The following BCL9 variants were observed in gnomAD, a reference collection of about 807,000 sequenced individuals.
BCL9 encodes BCL9 transcription coactivator.
Under a neutral mutation model 88.5 loss-of-function variants are expected in BCL9, and 25 were observed. The ratio of observed to expected loss-of-function variants is 0.28; its 90% CI spans 0.21 to 0.39. The LOEUF is 0.39. BCL9 is among the 10% of genes least tolerant of loss of function. The pLI, the probability that BCL9 is intolerant of heterozygous loss-of-function variation, is 1.00. For missense variants in BCL9, 1,817 were observed against 1,877.8 expected (o/e 0.97, Z 0.60); for synonymous variants, 711 against 673.3 (o/e 1.06, Z -0.87).
At position 147,624,943 on chromosome 1, in the gene BCL9, G is replaced by T. The variant is rs1553206342; in HGVS notation, c.4265G>T (p.Gly1422Val). ...TTTAGCCAAGGACCTGGCAACCCAG[G>T]AAACATGATGTTTTAAGCTGCTAAG... ...GGFSQGPGNP[G>V]NMMF The change falls in exon 10 of 10, where the codon GGA (glycine) becomes GTA (valine). Residue 1422 changes from glycine to valine, a missense_variant. Gly to Val is a moderately radical substitution (Grantham distance 109, BLOSUM62 -3). Around this residue, in one of 2 missense-constraint regions of BCL9, gnomAD observed 589 missense variants for 686.2 expected, o/e 0.86. Transcript: ENST00000234739. The surrounding 1 kb of genome is among the most constrained non-coding windows in gnomAD (Gnocchi z 4.4). 3 of 1,608,656 alleles carry T rather than the reference G, an allele frequency of 1.9e-6. No individual in the cohort carries two copies. Among genetic ancestry groups the T allele is most frequent in the Non-Finnish European group, 2.6e-6 (3 of 1,175,560 alleles).
rs1411274435 is a variant in BCL9 at position 147,619,261 on chromosome 1, T to C, written c.1106T>C (p.Ile369Thr). The change falls in exon 8 of 10, where the codon ATC (isoleucine) becomes ACC (threonine). Residue 369 changes from isoleucine (I) to threonine (T), a missense_variant. Physicochemically the swap from Ile to Thr is moderately conservative, Grantham distance 89. Transcript: ENST00000234739. This position sits in a 1 kb window ranked among gnomAD's most constrained non-coding sequence, Gnocchi z 4.1. ...CGCTCCTTACAAACTCTCAGAGATA[T>C]CCAGCGCATGCTTTTTCCTGATGAG... ...RERSLQTLRD[I>T]QRMLFPDEKE... The C allele has an allele frequency of 1.2e-6, 2 of 1,614,070 alleles. No individual in the cohort carries two copies. The highest frequency in any genetic ancestry group is 8.5e-7 in the Non-Finnish European group (1 of 1,180,028).
At chr1:147,585,618 G>C (rs1005632642) in intron 1 of BCL9, among the ~76,000 whole-genome samples, 2 of 152,106 alleles carry the variant, frequency 1.3e-5, no homozygotes, top group African/African-American at 4.8e-5. Flanking sequence ...GTTGTTAGAG[G>C]CTATATAAGA....
At chr1:147,618,470 C>T (rs1476272773) in intron 7 of BCL9, among the ~76,000 whole-genome samples, 5 of 152,190 alleles carry the variant, frequency 3.3e-5, no homozygotes, top group Non-Finnish European at 7.3e-5. Context: ...ACTAATCTCT[C>T]TCTGAATCAG....
At chr1:147,580,975 C>T (rs1000113498) in intron 1 of BCL9, among the ~76,000 whole-genome samples, 1 of 152,152 alleles carries the variant, frequency 6.6e-6, no homozygotes, top group African/African-American at 2.4e-5. Context: ...AGCCTTGCAT[C>T]CAGGTGTGTT....
At chr1:147,581,096 C>A (rs1317155409) in intron 1 of BCL9, among the ~76,000 whole-genome samples, 1 of 152,106 alleles carries the variant, frequency 6.6e-6, no homozygotes, top group Non-Finnish European at 1.5e-5. Flanking sequence ...GGTTCTGCCT[C>A]TAATTACCAA....
At chr1:147,618,415 G>A (rs781788526) in intron 7 of BCL9, among the ~76,000 whole-genome samples, 1 of 152,118 alleles carries the variant, frequency 6.6e-6, no homozygotes, top group Non-Finnish European at 1.5e-5. Flanking sequence ...TATACTTTCA[G>A]GGAAAAGAAA....
chr1:147,624,279 C>A lies in BCL9; in HGVS notation c.3601C>A (p.Pro1201Thr). The change falls in exon 10 of 10, where the codon CCT (proline) becomes ACT (threonine). Residue 1201 changes from proline (P) to threonine (T), a missense_variant. Around this residue, in one of 2 missense-constraint regions of BCL9, gnomAD observed 589 missense variants for 686.2 expected, o/e 0.86. Coordinates refer to ENST00000234739, the MANE Select transcript of BCL9 (RefSeq NM_004326.4). The surrounding 1 kb of genome is among the most constrained non-coding windows in gnomAD (Gnocchi z 4.4). ...ALCKPGGPGG[P>T]DSFTVLGNSM... ...TTGCAAGCCTGGAGGCCCCGGGGGT[C>A]CTGACTCCTTCACTGTCCTGGGGAA... 6.2e-7 allele frequency: 1 copy of A among 1,614,056 alleles called. No individual in the cohort carries two copies. The highest frequency in any genetic ancestry group is 8.5e-7 in the Non-Finnish European group (1 of 1,179,978).
rs1459517460 is a variant in BCL9, at chr1:147,567,846, T to C, written c.-478+26172T>C. Among the ~76,000 whole-genome samples the C allele has an allele frequency of 3.9e-5, 6 of 152,310 alleles. No individual in the cohort carries two copies. In the East Asian group the frequency reaches 1.2e-3, roughly 29 times the overall value. On this transcript the variant is annotated intron_variant, in intron 1 of 9. Coordinates refer to ENST00000234739, the MANE Select transcript of BCL9 (RefSeq NM_004326.4). ...CAGATCCCCTTATCTACTTCCAGGG[T>C]GGCATTGCTAGTGACCCAGCAGGTC...
chr1:147,569,564 T>G (rs1418050257), intron 1 of BCL9, among the ~76,000 whole-genome samples: 1 of 151,602 alleles, frequency 6.6e-6, no homozygotes, highest in Non-Finnish European at 1.5e-5. Context: ...GTGGGAGAAT[T>G]GCTTGAACCC....
intron 1 of BCL9, among the ~76,000 whole-genome samples, chr1:147,585,188 G>T (rs1469223764): frequency 6.6e-6 from 1 of 152,156 alleles, no homozygotes; most frequent in Non-Finnish European, 1.5e-5. Flanking sequence ...AAAGAGATTT[G>T]CTATGCATGG....
chr1:147,583,506 G>A lies in BCL9; in HGVS notation c.-477-21271G>A, dbSNP rs587607083. Among the ~76,000 whole-genome samples, 20 of 151,466 alleles carry A rather than the reference G, an allele frequency of 1.3e-4. No individual in the cohort carries two copies. The South Asian group carries it at 4.0e-3, about 30-fold the overall frequency. On this transcript the variant is annotated intron_variant, in intron 1 of 9. Coordinates refer to ENST00000234739, the MANE Select transcript of BCL9 (RefSeq NM_004326.4). ...TTGGCCAGGCTGGTCTCGAACTCCT[G>A]GCCTCAGGTGATCTGTCTACCTTGG...
At chr1:147,623,578 A>G (rs868945775) in intron 9 of BCL9, among the ~76,000 whole-genome samples, 1 of 152,206 alleles carries the variant, frequency 6.6e-6, no homozygotes, top group Non-Finnish European at 1.5e-5. Flanking sequence ...GTGCTAATTT[A>G]TAACTTTTCA....
intron 1 of BCL9, among the ~76,000 whole-genome samples, chr1:147,594,265 C>T (rs1410132015): frequency 1.3e-5 from 2 of 152,126 alleles, no homozygotes; most frequent in Non-Finnish European, 2.9e-5. Context: ...TGCAACGGTC[C>T]CATCTTGGAA....
At chr1:147,555,244 G>A (rs1316154868) in intron 1 of BCL9, among the ~76,000 whole-genome samples, 1 of 151,948 alleles carries the variant, frequency 6.6e-6, no homozygotes, top group Non-Finnish European at 1.5e-5. Context: ...GTTGGTTTAC[G>A]AAGTCTAGAA....
At chr1:147,595,047 G>A (rs1656988487) in intron 1 of BCL9, among the ~76,000 whole-genome samples, 1 of 152,214 alleles carries the variant, frequency 6.6e-6, no homozygotes, top group South Asian at 2.1e-4. Context: ...TGTAGAAGAA[G>A]TGTGGATAGA....
At position 147,622,468 on chromosome 1, in the gene BCL9, A is replaced by G; in HGVS notation, c.3100A>G (p.Ser1034Gly). The G allele has an allele frequency of 6.2e-7, 1 of 1,614,172 alleles. No individual in the cohort carries two copies. The highest frequency in any genetic ancestry group is 1.1e-5 in the South Asian group (1 of 91,080). Reference protein sequence around the residue: ...LYHDAIKTVASSDDDSPPARS... With the variant: ...LYHDAIKTVAGSDDDSPPARS... Reference sequence around the variant, plus strand: ...CCATGATGCTATCAAGACTGTGGCCAGCTCAGATGACGACTCCCCTCCAGC... The same window carrying G: ...CCATGATGCTATCAAGACTGTGGCCGGCTCAGATGACGACTCCCCTCCAGC... The change falls in exon 9 of 10, where the codon AGC becomes GGC. Residue 1034 changes from serine (S) to glycine (G), a missense_variant. Transcript: ENST00000234739.
intron 1 of BCL9, among the ~76,000 whole-genome samples, chr1:147,575,491 T>C (rs1361391147): frequency 1.3e-5 from 2 of 152,226 alleles, no homozygotes; most frequent in African/African-American, 4.8e-5. Context: ...GTTACCCAAC[T>C]GACAGGTTGG....
chr1:147,557,748 A>T (rs587713523), intron 1 of BCL9, among the ~76,000 whole-genome samples: 1 of 152,200 alleles, frequency 6.6e-6, no homozygotes, highest in Non-Finnish European at 1.5e-5. Context: ...ATAATCTTCC[A>T]TAGGATCCCA....
At chr1:147,573,641 A>G (rs60622549) in intron 1 of BCL9, among the ~76,000 whole-genome samples, 1,920 of 152,240 alleles carry the variant, frequency 0.013, 46 homozygotes, top group African/African-American at 0.044. Context: ...TTTGTTTTAA[A>G]TTATTTATTT....
Sources: allele counts gnomAD v4.1 joint callset (sites outside exome capture counted in the v4.1 genomes callset), GRCh38; gene constraint gnomAD v4.1.1; regional missense constraint gnomAD v4.1.1; non-coding constraint Gnocchi (gnomAD v3.1); transcripts MANE v1.5; gene names NCBI Gene and HGNC (gene_info 2026-07-23, HGNC 2026-07-21).